Variants in ARL10 observed in about 807,000 individuals in gnomAD.
ARL10 encodes ARF like GTPase 10, also known as ADP-ribosylation factor-like protein 10.
Under a neutral mutation model 26.1 loss-of-function variants are expected in ARL10, and 23 were observed. That is an observed-to-expected ratio of 0.88 (90% CI 0.63 to 1.25). The LOEUF (loss-of-function observed/expected upper bound fraction) is 1.25. Among genes scored for constraint, ARL10 ranks in the 50% most tolerant of loss-of-function variants. The pLI is 0.00. For missense variants in ARL10, 300 were observed against 323.6 expected, an observed-to-expected ratio of 0.93 and a Z score of 0.56; for synonymous variants, 138 against 149.1, an observed-to-expected ratio of 0.93 and a Z score of 0.54.
chr5:176,406,616 G>C (rs1351351596), downstream of ARL10: 1 of 1,289,282 alleles, frequency 7.8e-7, no homozygotes, highest in Non-Finnish European at 1.0e-6. Flanking sequence ...GCCCCTGGCT[G>C]TGCCAAATGG....
At position 176,366,696 on chromosome 5, in the gene ARL10, A is replaced by C. The variant is rs990699189; in HGVS notation, c.385+115A>C. Reference sequence around the variant, plus strand: ...CTAAGCAGCACATTCCCCTCTACGAATCCTTCCCACCGCTCTCCGGGGCAC... The same window carrying C: ...CTAAGCAGCACATTCCCCTCTACGACTCCTTCCCACCGCTCTCCGGGGCAC... On this transcript the variant is annotated intron_variant, in intron 2 of 3. Transcript: ENST00000310389. 7.2e-6 allele frequency: 9 copies of C among 1,249,316 alleles called. No individual in the cohort carries two copies. The African/African-American group carries it at 1.3e-4, about 19-fold the overall frequency. The allele number at this position is 1,249,316 out of a possible 1,614,324, so 77.4% of individuals were successfully genotyped here. A position where few individuals can be genotyped will look rare whatever the true frequency, so the allele number is the denominator to read the frequency against.
chr5:176,378,584 G>C lies in ARL10; in HGVS notation c.*6689G>C, dbSNP rs1490999037. ...GTCTGCTATGTATATAGCATTTTCT[G>C]ATTTCCCTTTAGCTATATGATAAGC... is the stretch of plus-strand genomic sequence containing the variant. On this transcript the variant is annotated 3_prime_UTR_variant, in exon 4 of 4. Transcript: ENST00000310389. 6.6e-6 allele frequency: 1 copy of C among 152,356 alleles called. No homozygotes were observed. The highest frequency in any genetic ancestry group is 6.5e-5 in the Admixed American group (1 of 15,306). 9.4% of individuals were successfully genotyped at this position (152,356 alleles called of 1,614,324 possible).
chr5:176,401,798 C>T (rs1756834315), exon 2 of ARL10: 1 of 455,822 alleles, frequency 2.2e-6, no homozygotes, highest in South Asian at 1.5e-5. Flanking sequence ...AGGCCCCAGC[C>T]TCCTGTTCGT....
chr5:176,392,343 A>C (rs1045086322), downstream of ARL10: 4 of 165,406 alleles, frequency 2.4e-5, no homozygotes, highest in Admixed American at 5.9e-5. This position sits in a 1 kb window ranked among gnomAD's most constrained non-coding sequence, Gnocchi z 5.2. Context: ...GGCAACAGAC[A>C]TGGAGAGCTT....
chr5:176,381,737 T>A lies in ARL10; in HGVS notation c.*9842T>A, dbSNP rs969655430. Reference sequence around the variant, plus strand: ...AATTCACTATGTACAGAGGCAGCTTTAGGCCAAACTTAACAAAGGTCACCT... The same window carrying A: ...AATTCACTATGTACAGAGGCAGCTTAAGGCCAAACTTAACAAAGGTCACCT... On this transcript the variant is annotated 3_prime_UTR_variant, in exon 4 of 4. Coordinates refer to ENST00000310389, the MANE Select transcript of ARL10 (RefSeq NM_173664.6). 1.3e-5 allele frequency: 2 copies of A among 152,216 alleles called. No homozygotes were observed. Among genetic ancestry groups the A allele is most frequent in the Admixed American group, 6.5e-5 (1 of 15,288 alleles). The allele number at this position is 152,216 out of a possible 1,614,324, so 9.4% of individuals were successfully genotyped here.
chr5:176,366,244 C>A, intron 1 of ARL10, 136 bp from the exon 2 acceptor site: 1 of 1,031,432 alleles, frequency 9.7e-7, no homozygotes, highest in Non-Finnish European at 1.4e-6. Flanking sequence ...GGCGTTCGTC[C>A]CACTCATCCA....
chr5:176,396,449 C>A, intron 1 of ARL10: 1 of 1,595,164 alleles, frequency 6.3e-7, no homozygotes, highest in South Asian at 1.1e-5. Context: ...TCTCTAGCTC[C>A]CCCAACAGAG....
At chr5:176,390,011 C>T (rs1368736295), downstream of ARL10, among the ~76,000 whole-genome samples, 1 of 151,824 alleles carries the variant, frequency 6.6e-6, no homozygotes, top group African/African-American at 2.4e-5. Flanking sequence ...GGAGAAACCC[C>T]ATCTCTACTA....
At chr5:176,406,824 T>C (rs758523665), downstream of ARL10, 56 of 727,450 alleles carry the variant, frequency 7.7e-5, no homozygotes, top group South Asian at 4.5e-4. Flanking sequence ...AGACCTGCTA[T>C]GCTCAATCCT....
chr5:176,394,313 C>T (rs1756390767), intron 1 of ARL10, among the ~76,000 whole-genome samples: 1 of 152,224 alleles, frequency 6.6e-6, no homozygotes, highest in South Asian at 2.1e-4. Flanking sequence ...ACCCTTGGGC[C>T]TCCCCACCGT....
intron 1 of ARL10, among the ~76,000 whole-genome samples, chr5:176,396,246 A>C (rs138381500): frequency 2.6e-4 from 39 of 152,056 alleles, no homozygotes; most frequent in East Asian, 2.3e-3. Flanking sequence ...TGGCAAGCAC[A>C]TTCCTTTCTC....
At chr5:176,386,950 T>G in intron 1 of ARL10, 1 of 1,563,524 alleles carries the variant, frequency 6.4e-7, no homozygotes, top group Non-Finnish European at 8.8e-7. Context: ...GGATCTTTGA[T>G]GAGGGAAAGT....
intron 1 of ARL10, chr5:176,388,091 C>A: frequency 1.6e-6 from 1 of 626,426 alleles, no homozygotes. Context: ...TGCTCAACGT[C>A]AGTTGAGCGT....
In ARL10 at chr5:176,372,924, A is replaced by G. The variant is rs989650716; in HGVS notation, c.*1029A>G. On this transcript the variant is annotated 3_prime_UTR_variant, in exon 4 of 4. Transcript: ENST00000310389. ...AAAATAGCTGGAATCATGAATGACA[A>G]TGAGATAACATACAGATGTCAGTGG... The G allele has an allele frequency of 2.5e-6, 1 of 398,696 alleles. No individual in the cohort carries two copies. The highest frequency in any genetic ancestry group is 4.4e-6 in the Non-Finnish European group (1 of 226,076). 24.7% of individuals were successfully genotyped at this position (398,696 alleles called of 1,614,324 possible). A position where few individuals can be genotyped will look rare whatever the true frequency, so the allele number is the denominator to read the frequency against.
At chr5:176,405,341 T>C (rs1159861031), downstream of ARL10, among the ~76,000 whole-genome samples, 4 of 151,498 alleles carry the variant, frequency 2.6e-5, no homozygotes, top group Non-Finnish European at 5.9e-5. Flanking sequence ...AATTAAAAAA[T>C]TAGCCAGGCA....
At chr5:176,407,179 G>A in the ARL10 span, among the ~76,000 whole-genome samples, 1 of 152,174 alleles carries the variant, frequency 6.6e-6, no homozygotes, top group African/African-American at 2.4e-5. Context: ...AAGGCGGGGG[G>A]CCAAGTCAAA....
chr5:176,389,664 C>A, downstream of ARL10: 1 of 626,046 alleles, frequency 1.6e-6, no homozygotes, highest in Non-Finnish European at 2.7e-6. Context: ...TTTCAAAAAT[C>A]CTAGATGCTG....
At chr5:176,410,720 G>A in the ARL10 span, among the ~76,000 whole-genome samples, 2 of 152,108 alleles carry the variant, frequency 1.3e-5, no homozygotes, top group East Asian at 3.9e-4. Context: ...GTAAGCTCAG[G>A]GCAGGGGCTA....
At chr5:176,393,037 G>T, downstream of ARL10, 1 of 1,406,336 alleles carries the variant, frequency 7.1e-7, no homozygotes, top group Non-Finnish European at 1.0e-6. The surrounding 1 kb of genome is among the most constrained non-coding windows in gnomAD (Gnocchi z 4.4). Context: ...CTACTCTGGG[G>T]CACTGTGTCC....
Sources: allele counts gnomAD v4.1 joint callset (sites outside exome capture counted in the v4.1 genomes callset), GRCh38; gene constraint gnomAD v4.1.1; non-coding constraint Gnocchi (gnomAD v3.1); transcripts MANE v1.5; gene names NCBI Gene and HGNC (gene_info 2026-07-23, HGNC 2026-07-21).